The following SAMD4A variants were observed in gnomAD, a reference collection of about 807,000 sequenced individuals.
SAMD4A encodes the protein sterile alpha motif domain containing 4A, also known as protein Smaug homolog 1.
SAMD4A carries 33 observed loss-of-function variants against 81.3 expected under a neutral mutation model. That is an observed-to-expected ratio of 0.41 (90% CI 0.31 to 0.54). The LOEUF (loss-of-function observed/expected upper bound fraction) is 0.54, where lower values mean the gene tolerates loss of function less well. Among genes scored for constraint, SAMD4A ranks in the 20% least tolerant of loss-of-function variants. The probability of loss-of-function intolerance (pLI) is 0.37; values close to 1 mark genes in which losing one functional copy is unlikely to be tolerated. For synonymous variants in SAMD4A, 389 were observed against 382.1 expected, an observed-to-expected ratio of 1.02 and a Z score of -0.21; for missense variants, 854 against 951.1, an observed-to-expected ratio of 0.90 and a Z score of 1.34.
intron 2 of SAMD4A, among the ~76,000 whole-genome samples, chr14:54,674,711 A>G (rs1049504387): frequency 2.6e-5 from 4 of 152,304 alleles, no homozygotes; most frequent in East Asian, 1.9e-4. Flanking sequence ...AGCATTACCT[A>G]TGCCCTAAAT....
intron 4 of SAMD4A, among the ~76,000 whole-genome samples, chr14:54,742,180 C>T (rs1052447791): frequency 3.9e-5 from 6 of 151,958 alleles, no homozygotes; most frequent in South Asian, 2.1e-4. Flanking sequence ...AAGGAGTATT[C>T]GGGGTTCTTC....
At chr14:54,788,460 C>T (rs528981174) in intron 12 of SAMD4A, among the ~76,000 whole-genome samples, 1 of 152,288 alleles carries the variant, frequency 6.6e-6, no homozygotes, top group Admixed American at 6.5e-5. Context: ...TATGCATGCA[C>T]CGCACACCAT....
At chr14:54,721,608 T>G (rs976400261) in intron 3 of SAMD4A, among the ~76,000 whole-genome samples, 4 of 152,144 alleles carry the variant, frequency 2.6e-5, no homozygotes, top group Non-Finnish European at 4.4e-5. Context: ...GAGGGCTGCA[T>G]TTGGAAGGTA....
At chr14:54,784,068 A>T (rs1046243457) in intron 11 of SAMD4A, among the ~76,000 whole-genome samples, 1 of 152,176 alleles carries the variant, frequency 6.6e-6, no homozygotes, top group African/African-American at 2.4e-5. Context: ...GAGATGATAG[A>T]GCCAGAAATG....
At chr14:54,694,339 C>T (rs1388485753) in intron 2 of SAMD4A, 1 of 152,642 alleles carries the variant, frequency 6.6e-6, no homozygotes, top group Non-Finnish European at 1.5e-5. Flanking sequence ...AGATTCAGCC[C>T]ATAGGATTTA....
rs2032995621 is a variant in SAMD4A at position 54,568,124 on chromosome 14, G to A, written c.196+12G>A. On this transcript the variant is annotated intron_variant, in intron 2 of 12. Coordinates refer to ENST00000554335, the MANE Select transcript of SAMD4A (RefSeq NM_015589.6). ...GGCCAACAGCCCCGGTAAGTGTGCG[G>A]CGGCCGCCGCCGCCGTCCCGCCTGC... 10 of 1,469,964 alleles carry A rather than the reference G, an allele frequency of 6.8e-6. No individual in the cohort carries two copies. Among genetic ancestry groups the A allele is most frequent in the Non-Finnish European group, 8.9e-6 (10 of 1,117,630 alleles). The allele number at this position is 1,469,964 out of a possible 1,614,324, so 91.1% of individuals were successfully genotyped here.
At chr14:54,731,919 C>T (rs909626972) in intron 3 of SAMD4A, among the ~76,000 whole-genome samples, 2 of 152,136 alleles carry the variant, frequency 1.3e-5, no homozygotes, top group African/African-American at 2.4e-5. Flanking sequence ...CTTCTAGACT[C>T]TAAAACAAAA....
chr14:54,663,136 T>C (rs956277545), intron 2 of SAMD4A, among the ~76,000 whole-genome samples: 2 of 152,204 alleles, frequency 1.3e-5, no homozygotes, highest in Admixed American at 1.3e-4. Flanking sequence ...AAATCCTTCA[T>C]GGAAGTTGAC....
At chr14:54,701,892 C>T (rs1052467388) in intron 2 of SAMD4A, among the ~76,000 whole-genome samples, 170 bp from the exon 3 acceptor site, 8 of 152,196 alleles carry the variant, frequency 5.3e-5, no homozygotes, top group African/African-American at 1.7e-4. Context: ...GAGCCTCTGG[C>T]CCTTGAAAAC....
intron 2 of SAMD4A, among the ~76,000 whole-genome samples, chr14:54,571,351 A>C (rs1182868909): frequency 6.6e-6 from 1 of 152,186 alleles, no homozygotes; most frequent in African/African-American, 2.4e-5. Flanking sequence ...TTATAACCTT[A>C]GATAAGTCTC....
chr14:54,724,020 G>GGAAGGAAGGAAGGAAGGAA (rs1566604841), intron 3 of SAMD4A, among the ~76,000 whole-genome samples: 2 of 144,834 alleles, frequency 1.4e-5, no homozygotes, highest in Non-Finnish European at 3.1e-5. Context: ...AAGGAAGGAA[G>GGAAGGAAGGAAGGAAGGAA]GAAGGAAGGA....
chr14:54,769,718 CATTG>C (rs1451502040), intron 8 of SAMD4A, among the ~76,000 whole-genome samples: 2 of 152,166 alleles, frequency 1.3e-5, no homozygotes, highest in Admixed American at 6.5e-5. Flanking sequence ...TGAGAATTTT[CATTG>C]ATTATGAAAA....
At chr14:54,601,718 G>C (rs1202248622) in intron 2 of SAMD4A, among the ~76,000 whole-genome samples, 1 of 152,216 alleles carries the variant, frequency 6.6e-6, no homozygotes, top group Non-Finnish European at 1.5e-5. Context: ...TCCAATGTTG[G>C]AATTTATAAA....
intron 4 of SAMD4A, among the ~76,000 whole-genome samples, chr14:54,746,143 C>T (rs1487604125): frequency 6.6e-6 from 1 of 152,194 alleles, no homozygotes; most frequent in Non-Finnish European, 1.5e-5. Flanking sequence ...CAGTTTTGTT[C>T]TAATCCTTGG....
chr14:54,631,694 G>A (rs1054242299), intron 2 of SAMD4A, among the ~76,000 whole-genome samples: 9 of 152,086 alleles, frequency 5.9e-5, no homozygotes, highest in African/African-American at 2.2e-4. Flanking sequence ...TGTCCATGTA[G>A]CTTCTCTAAA....
chr14:54,585,116 C>T (rs1263861211), intron 2 of SAMD4A, among the ~76,000 whole-genome samples: 4 of 152,078 alleles, frequency 2.6e-5, no homozygotes, highest in Non-Finnish European at 5.9e-5. Flanking sequence ...ACATATATGC[C>T]ATTTGGTGAA....
chr14:54,615,015 G>C (rs1008980416), intron 2 of SAMD4A, among the ~76,000 whole-genome samples: 2 of 152,108 alleles, frequency 1.3e-5, no homozygotes, highest in Non-Finnish European at 2.9e-5. Context: ...TAACAAAAGG[G>C]TGGTCAGATG....
intron 2 of SAMD4A, among the ~76,000 whole-genome samples, chr14:54,634,930 C>G (rs1357759691): frequency 6.6e-6 from 1 of 152,166 alleles, no homozygotes; most frequent in African/African-American, 2.4e-5. Flanking sequence ...TTCCCAGAAC[C>G]ATGAGCCAAG....
rs1184849818 is a variant in SAMD4A, at chr14:54,735,100, T to A, written c.716-1924T>A. ...AATGTCCCAGCACTCAGGGCAGCCGTAAACAGTCTGCCCAATTTTATATAA... is the reference window on the plus strand; with the variant it reads ...AATGTCCCAGCACTCAGGGCAGCCGAAAACAGTCTGCCCAATTTTATATAA... On this transcript the variant is annotated intron_variant, in intron 3 of 12. Coordinates refer to ENST00000554335, the MANE Select transcript of SAMD4A (RefSeq NM_015589.6). 2.0e-5 allele frequency: 3 copies of A among 152,344 alleles called. No individual in the cohort carries two copies. In the East Asian group the frequency reaches 5.8e-4, roughly 29 times the overall value. 9.4% of individuals were successfully genotyped at this position (152,344 alleles called of 1,614,324 possible).
Sources: gnomAD v4.1 joint callset for allele counts (sites outside exome capture counted in the v4.1 genomes callset) on GRCh38, gnomAD v4.1.1 for gene constraint, MANE v1.5 for transcripts, NCBI Gene and HGNC (gene_info 2026-07-23, HGNC 2026-07-21) for gene names.